Variants in RSRC2 observed in about 807,000 individuals in gnomAD.
RSRC2 encodes arginine and serine rich coiled-coil 2.
Under a neutral mutation model 61.3 loss-of-function variants are expected in RSRC2, and 5 were observed. The ratio of observed to expected loss-of-function variants is 0.08; its 90% CI spans 0.04 to 0.17. RSRC2 has a LOEUF of 0.17. RSRC2 is among the 10% of genes least tolerant of loss of function. The pLI is 1.00. For synonymous variants in RSRC2, 202 were observed against 166.5 expected, an observed-to-expected ratio of 1.21 and a Z score of -1.64; for missense variants, 381 against 518.8, an observed-to-expected ratio of 0.73 and a Z score of 2.58.
rs1171505089 is a variant in RSRC2 at position 122,505,507 on chromosome 12, C to A, written c.*20G>T. On this transcript the variant is annotated 3_prime_UTR_variant, in exon 10 of 10. Transcript: ENST00000331738. ...GAACAAGAAGTCTATAAGTCCCAAA[C>A]TTTACAAGTGTGATCATTTTCAAAC... 1 of 1,608,514 alleles carries A rather than the reference C, an allele frequency of 6.2e-7. No homozygotes were observed. The highest frequency in any genetic ancestry group is 8.5e-7 in the Non-Finnish European group (1 of 1,176,430).
intron 1 of RSRC2, among the ~76,000 whole-genome samples, chr12:122,525,206 T>C (rs1468177127): frequency 2.6e-5 from 4 of 152,026 alleles, no homozygotes; most frequent in Non-Finnish European, 4.4e-5. Flanking sequence ...AAACCCCGTC[T>C]CTACCAAAAA....
chr12:122,518,934 T>C lies in RSRC2; in HGVS notation c.303A>G (p.Arg101=), dbSNP rs763783861. ...KEHSSDKGRE[R]LNSSENGEDR... is the part of the protein sequence containing the mutation. ...CCTCACCATTTTCAGATGAATTTAG[T>C]CGCTCTCTTCCTTTATCAGAAGAAT... Residue 101 remains arginine, a synonymous_variant, in exon 4 of 10, where the codon CGA becomes CGG. Coordinates refer to ENST00000331738, the MANE Select transcript of RSRC2 (RefSeq NM_023012.6). 3.7e-6 allele frequency: 6 copies of C among 1,614,108 alleles called. No homozygotes were observed. The highest frequency in any genetic ancestry group is 5.1e-6 in the Non-Finnish European group (6 of 1,179,956).
Position 122,517,404 on chromosome 12 carries a change from C to G in RSRC2, c.425G>C (p.Arg142Pro). 1.2e-6 allele frequency: 2 copies of G among 1,614,108 alleles called. No homozygotes were observed. Among genetic ancestry groups the G allele is most frequent in the Non-Finnish European group, 1.7e-6 (2 of 1,180,022 alleles). Residue 142 changes from arginine to proline, a missense_variant, in exon 5 of 10, where the codon CGG becomes CCG. Physicochemically the swap from Arg to Pro is moderately radical, Grantham distance 103. Coordinates refer to ENST00000331738, the MANE Select transcript of RSRC2 (RefSeq NM_023012.6). ...ERRHRSRSRE[R>P]KKSRSRSRER... ...CCTACTCCTGGATCGAGACTTCTTC[C>G]GCTCCCTGCTTCTACTACGATGGCG...
chr12:122,520,818 CA>C (rs1284027267), intron 3 of RSRC2: 1 of 302,534 alleles, frequency 3.3e-6, no homozygotes, highest in Non-Finnish European at 6.5e-6. Flanking sequence ...GGTGGGTGAA[CA>C]AGTAACTCCT....
In RSRC2 at chr12:122,511,097, G is replaced by C. The variant is rs1555212969; in HGVS notation, c.805+12C>G. ...CAAATCGAGATGACTAAAAAAGAAT[G>C]AAAAAAATTACCTGCAGCTATTTCT... On this transcript the variant is annotated intron_variant, in intron 7 of 9. Coordinates refer to ENST00000331738, the MANE Select transcript of RSRC2 (RefSeq NM_023012.6). 9.5e-6 allele frequency: 15 copies of C among 1,581,228 alleles called. No homozygotes were observed. Among genetic ancestry groups the C allele is most frequent in the African/African-American group, 1.4e-5 (1 of 73,968 alleles).
intron 7 of RSRC2, among the ~76,000 whole-genome samples, chr12:122,509,681 G>A (rs1958350697): frequency 1.3e-5 from 2 of 152,088 alleles, no homozygotes; most frequent in Non-Finnish European, 2.9e-5. Flanking sequence ...GAGTAATGAT[G>A]TAGTAAAAAT....
chr12:122,519,313 G>A (rs1009587932), intron 3 of RSRC2: 26 of 345,526 alleles, frequency 7.5e-5, no homozygotes, highest in African/African-American at 5.0e-4. Context: ...CCAGACAAAA[G>A]AGGAATCCCT....
At chr12:122,525,108 T>C (rs1959885293) in intron 1 of RSRC2, among the ~76,000 whole-genome samples, 1 of 152,168 alleles carries the variant, frequency 6.6e-6, no homozygotes, top group Admixed American at 6.5e-5. Flanking sequence ...GCGCGGTGGC[T>C]CACTCCTGTA....
intron 9 of RSRC2, among the ~76,000 whole-genome samples, chr12:122,505,929 C>T (rs148746133): frequency 2.0e-4 from 30 of 152,204 alleles, no homozygotes; most frequent in Non-Finnish European, 2.2e-4. Flanking sequence ...GAGGCACATG[C>T]CACCACGCCC....
chr12:122,514,827 C>A, intron 6 of RSRC2: 7 of 707,926 alleles, frequency 9.9e-6, no homozygotes, highest in African/African-American at 1.9e-5. Flanking sequence ...AAAAAAGTTT[C>A]AAATGCAAAC....
intron 1 of RSRC2, among the ~76,000 whole-genome samples, chr12:122,524,308 G>A (rs945522017): frequency 2.6e-5 from 4 of 151,858 alleles, no homozygotes; most frequent in African/African-American, 9.7e-5. Context: ...TACTTGCTGA[G>A]TGTTTGTACA....
intron 1 of RSRC2, 62 bp downstream of exon 1, chr12:122,526,786 C>A (rs1430926883): frequency 6.3e-7 from 1 of 1,590,630 alleles, no homozygotes; most frequent in African/African-American, 1.3e-5. Flanking sequence ...GGGAGCCGTT[C>A]ACCCACTGTT....
At chr12:122,514,225 C>A (rs1047214238) in intron 6 of RSRC2, among the ~76,000 whole-genome samples, 5 of 148,396 alleles carry the variant, frequency 3.4e-5, no homozygotes, top group Admixed American at 6.7e-5. Context: ...CATTACTCAT[C>A]TTTGAAACAG....
chr12:122,523,410 G>C (rs1959531291), intron 1 of RSRC2: 1 of 152,212 alleles, frequency 6.6e-6, no homozygotes, highest in Admixed American at 6.5e-5. Context: ...CAGCAACTCA[G>C]GAGGTTGAGA....
chr12:122,515,758 G>A lies in RSRC2; in HGVS notation c.603-531C>T, dbSNP rs552509504. ...TAATCCCAGAACTTTGGGAAGCTCA[G>A]GCGGACAGATGACCTGAGGTCAGGA... On this transcript the variant is annotated intron_variant, in intron 5 of 9. Transcript: ENST00000331738. Among the ~76,000 whole-genome samples, 9 of 152,310 alleles carry A rather than the reference G, an allele frequency of 5.9e-5. No homozygotes were observed. In the East Asian group the frequency reaches 1.3e-3, roughly 23 times the overall value.
At position 122,509,455 on chromosome 12, in the gene RSRC2, AAAAAAC is replaced by A. The variant is rs752449483; in HGVS notation, c.806-1014_806-1009del. On this transcript the variant is annotated intron_variant, in intron 7 of 9. Transcript: ENST00000331738. ...ACAGTATGAGCCTCCGTCTCAAAAA[AAAAAAC>A]AAAAACAAAAACAAAAAAAAACCCA... Among the ~76,000 whole-genome samples, 518 of 151,998 alleles carry A rather than the reference AAAAAAC, an allele frequency of 3.4e-3. 3 individuals are homozygous for A. The highest frequency in any genetic ancestry group is 5.2e-3 in the South Asian group (25 of 4,812).
chr12:122,509,433 G>C (rs1336693640), intron 7 of RSRC2, among the ~76,000 whole-genome samples: 1 of 150,570 alleles, frequency 6.6e-6, no homozygotes, highest in Non-Finnish European at 1.5e-5. Flanking sequence ...ACAGGCGACA[G>C]TATGAGCCTC....
At chr12:122,519,442 A>AAAGAAAGAAAG in intron 3 of RSRC2, 1 of 161,748 alleles carries the variant, frequency 6.2e-6, no homozygotes. Flanking sequence ...CCAGAAACGC[A>AAAGAAAGAAAG]TTTCAATTAG....
intron 1 of RSRC2, among the ~76,000 whole-genome samples, chr12:122,524,599 A>T (rs1167008626): frequency 6.6e-6 from 1 of 152,232 alleles, no homozygotes; most frequent in Non-Finnish European, 1.5e-5. Context: ...GGCTAACTTA[A>T]ACTTACATCA....
Sources: gnomAD v4.1 joint callset for allele counts (sites outside exome capture counted in the v4.1 genomes callset) on GRCh38, gnomAD v4.1.1 for gene constraint, MANE v1.5 for transcripts, NCBI Gene and HGNC (gene_info 2026-07-23, HGNC 2026-07-21) for gene names.